JCAD: variants seen among roughly 807,000 people sequenced by gnomAD.
JCAD encodes the protein junctional cadherin 5-associated protein.
JCAD carries 40 observed loss-of-function variants against 98.0 expected under a neutral mutation model. The observed-to-expected ratio is 0.41, with a 90% CI of 0.32 to 0.53. The LOEUF is 0.53. JCAD is among the 20% of genes least tolerant of loss of function. The pLI is 0.31. For synonymous variants in JCAD, 691 were observed against 682.3 expected, an observed-to-expected ratio of 1.01 and a Z score of -0.20; for missense variants, 1,705 against 1,738.1, an observed-to-expected ratio of 0.98 and a Z score of 0.34.
Position 30,027,082 on chromosome 10 carries a change from A to T in JCAD, c.3066T>A (p.Phe1022Leu). The change falls in exon 3 of 4, where the codon TTT becomes TTA. Residue 1022 changes from phenylalanine to leucine, a missense_variant. Physicochemically the swap from Phe to Leu is conservative, Grantham distance 22. Around this residue, in one of 3 missense-constraint regions of JCAD, gnomAD observed 1,278 missense variants for 1,243.1 expected, o/e 1.03. Transcript: ENST00000375377. ...CTGCCCCCCTCTCTCCACCACTGTC[A>T]AACTTCCGAGGGACCGCTTCACTTG... ...VKPSEAVPRK[F>L]DSGGERGAGL... 1 of 1,614,190 alleles carries T rather than the reference A, an allele frequency of 6.2e-7. No individual in the cohort carries two copies. The highest frequency in any genetic ancestry group is 8.5e-7 in the Non-Finnish European group (1 of 1,180,024).
chr10:30,107,908 T>A (rs538945863), intron 1 of JCAD, among the ~76,000 whole-genome samples: 4 of 152,228 alleles, frequency 2.6e-5, no homozygotes, highest in South Asian at 4.1e-4. Context: ...TAAAAAAAAA[T>A]GGCCATAGTG....
chr10:30,093,408 G>A (rs1838317121), intron 1 of JCAD, among the ~76,000 whole-genome samples: 1 of 152,254 alleles, frequency 6.6e-6, no homozygotes, highest in South Asian at 2.1e-4. Context: ...ACCCACATCA[G>A]TTTGGATAAT....
chr10:30,048,299 C>T (rs1217240800), intron 1 of JCAD, among the ~76,000 whole-genome samples: 1 of 152,156 alleles, frequency 6.6e-6, no homozygotes, highest in Non-Finnish European at 1.5e-5. Flanking sequence ...CCACCAATAT[C>T]CAGCTTAATC....
intron 2 of JCAD, among the ~76,000 whole-genome samples, chr10:30,030,967 C>T (rs1407840392): frequency 6.6e-6 from 1 of 150,742 alleles, no homozygotes; most frequent in Non-Finnish European, 1.5e-5. Flanking sequence ...CAGTGTGCAG[C>T]CAAGATTGAG....
At chr10:30,112,424 A>G (rs1343512793) in intron 1 of JCAD, among the ~76,000 whole-genome samples, 3 of 152,212 alleles carry the variant, frequency 2.0e-5, no homozygotes, top group African/African-American at 7.2e-5. Context: ...AGCTGCCTGC[A>G]GGGAGCTATG....
In JCAD at chr10:30,012,883, CTG is replaced by C. The variant is rs1836448515; in HGVS notation, c.*4998_*4999del. 6.6e-6 allele frequency: 1 copy of C among 152,286 alleles called. No individual in the cohort carries two copies. The highest frequency in any genetic ancestry group is 2.4e-5 in the African/African-American group (1 of 41,458). 9.4% of individuals were successfully genotyped at this position (152,286 alleles called of 1,614,324 possible). A position where few individuals can be genotyped will look rare whatever the true frequency, so the allele number is the denominator to read the frequency against. ...TCCTGAAATAGCAAGGATATTTACA[CTG>C]TGCAGAGAAATACAAGAGCTTCTTG... On this transcript the variant is annotated 3_prime_UTR_variant, in exon 4 of 4. Transcript: ENST00000375377.
rs1196384740 is a variant in JCAD at position 30,047,593 on chromosome 10, T to C, written c.220A>G (p.Ser74Gly). The change falls in exon 2 of 4, where the codon AGC becomes GGC. Residue 74 changes from serine (S) to glycine (G), a missense_variant. Physicochemically the swap from Ser to Gly is moderately conservative, Grantham distance 56. Around this residue, in one of 3 missense-constraint regions of JCAD, gnomAD observed 152 missense variants for 148.0 expected, o/e 1.03. Transcript: ENST00000375377. Reference protein sequence around the residue: ...GHVSDSESRRSTPRGHGEPQS... With the variant: ...GHVSDSESRRGTPRGHGEPQS... ...GGCTCCCCGTGGCCTCTCGGTGTGC[T>C]GCGGCGGCTTTCGGAGTCACTCACA... 1 of 1,614,020 alleles carries C rather than the reference T, an allele frequency of 6.2e-7. No homozygotes were observed. Among genetic ancestry groups the C allele is most frequent in the Non-Finnish European group, 8.5e-7 (1 of 1,179,978 alleles).
At chr10:30,101,240 C>G (rs555547071) in intron 1 of JCAD, among the ~76,000 whole-genome samples, 1 of 152,244 alleles carries the variant, frequency 6.6e-6, no homozygotes, top group African/African-American at 2.4e-5. Flanking sequence ...AACCCTGTCT[C>G]TACTAAAAAT....
chr10:30,063,755 TC>T (rs947939987), upstream of JCAD, among the ~76,000 whole-genome samples: 2 of 152,166 alleles, frequency 1.3e-5, no homozygotes, highest in African/African-American at 4.8e-5. Flanking sequence ...AATATTTGTT[TC>T]CTCCAAAACT....
Position 30,050,068 on chromosome 10 carries a change from C to G in JCAD, c.-59-2197G>C, listed in dbSNP as rs28528869. On this transcript the variant is annotated intron_variant, in intron 1 of 3. Transcript: ENST00000375377. ...CAGTGGCTCGCACCTATAATCCCAG[C>G]ACTTTAGGAGGCTAGGTGGGTGAAT... Among the ~76,000 whole-genome samples the G allele has an allele frequency of 8.1e-3, 1,235 of 152,072 alleles. 15 individuals carry two copies. Among genetic ancestry groups the G allele is most frequent in the African/African-American group, 0.029 (1,204 of 41,494 alleles).
chr10:30,100,540 C>A (rs1319802303), intron 1 of JCAD, among the ~76,000 whole-genome samples: 1 of 152,110 alleles, frequency 6.6e-6, no homozygotes, highest in African/African-American at 2.4e-5. Flanking sequence ...CACCACCACA[C>A]CCAGCTAATT....
intron 1 of JCAD, among the ~76,000 whole-genome samples, chr10:30,101,137 C>T (rs896650782): frequency 6.6e-6 from 1 of 152,250 alleles, no homozygotes; most frequent in East Asian, 1.9e-4. Context: ...TGGTTGGGTG[C>T]GATGGCTCAT....
rs1380644130 is a variant in JCAD, at chr10:30,068,608, CT to C, written n.250+1091del. ...GTAGAAGACACTGTTCATCCCTGCC[CT>C]AACTGTGTTTTCTTAGTTTGGACTT... On this transcript the variant is annotated intron_variant and non_coding_transcript_variant, in intron 2 of 2. Transcript: ENST00000465712. Among the ~76,000 whole-genome samples, 6 of 152,262 alleles carry C rather than the reference CT, an allele frequency of 3.9e-5. No homozygotes were observed. In the East Asian group the frequency reaches 1.2e-3, roughly 29 times the overall value.
At chr10:30,096,122 A>G (rs755617337) in intron 1 of JCAD, among the ~76,000 whole-genome samples, 2 of 152,236 alleles carry the variant, frequency 1.3e-5, no homozygotes, top group Non-Finnish European at 2.9e-5. Flanking sequence ...AGAAGCTGCC[A>G]GGAAAGATGC....
intron 2 of JCAD, among the ~76,000 whole-genome samples, chr10:30,035,060 T>G (rs1372022185): frequency 2.6e-5 from 4 of 152,158 alleles, no homozygotes; most frequent in Non-Finnish European, 5.9e-5. Context: ...TCTCAATTGA[T>G]ATTCGGGTTT....
At chr10:30,035,185 C>T (rs1313484620) in intron 2 of JCAD, among the ~76,000 whole-genome samples, 5 of 152,188 alleles carry the variant, frequency 3.3e-5, no homozygotes, top group Non-Finnish European at 7.3e-5. Context: ...AGAATACAAA[C>T]AGCCTGTCAC....
At chr10:30,065,503 C>T (rs1019830859) in intron 2 of JCAD, among the ~76,000 whole-genome samples, 2 of 151,206 alleles carry the variant, frequency 1.3e-5, no homozygotes, top group African/African-American at 2.5e-5. Context: ...GACTATATCG[C>T]ATAATTTTTT....
intron 1 of JCAD, among the ~76,000 whole-genome samples, chr10:30,053,711 C>A (rs980037446): frequency 1.3e-5 from 2 of 151,628 alleles, no homozygotes; most frequent in East Asian, 3.9e-4. Context: ...GGATAGTTAT[C>A]CCAGTTTTAA....
In JCAD at chr10:30,018,296, C is replaced by CTTCT. The variant is rs1554794090; in HGVS notation, c.4046-380_4046-379insAGAA. On this transcript the variant is annotated intron_variant, in intron 3 of 3. Coordinates refer to ENST00000375377, the MANE Select transcript of JCAD (RefSeq NM_020848.4). The stretch of plus-strand genomic sequence containing the variant: ...CTTTCTTCTTCTTCTTCTTCTTCTT[C>CTTCT]TTTTTTTTTTTTTGGTAAATTACAG... Among the ~76,000 whole-genome samples, 666 of 70,652 alleles carry CTTCT rather than the reference C, an allele frequency of 9.4e-3. 5 individuals carry two copies. The highest frequency in any genetic ancestry group is 0.029 in the African/African-American group (617 of 21,542). 46.4% of individuals were successfully genotyped at this position (70,652 alleles called of 152,430 possible).
Sources: gnomAD v4.1 joint callset for allele counts (sites outside exome capture counted in the v4.1 genomes callset) on GRCh38, gnomAD v4.1.1 for gene constraint, gnomAD v4.1.1 regional missense constraint, MANE v1.5 for transcripts, NCBI Gene and HGNC (gene_info 2026-07-23, HGNC 2026-07-21) for gene names.